Variants in FGD4 observed in about 807,000 individuals in gnomAD.
FGD4 encodes the protein FYVE, RhoGEF and PH domain containing 4.
In FGD4, 42 loss-of-function variants were observed where a neutral mutation model predicts 102.0. The ratio of observed to expected loss-of-function variants is 0.41; its 90% CI spans 0.32 to 0.53. FGD4 has a LOEUF of 0.53. Ranked by LOEUF, FGD4 falls within the 20% of genes least tolerant of loss-of-function variation. The pLI is 0.21. For missense variants in FGD4, 902 were observed against 1,078.2 expected, an observed-to-expected ratio of 0.84 and a Z score of 2.29; for synonymous variants, 380 against 375.7, an observed-to-expected ratio of 1.01 and a Z score of -0.13.
chr12:32,516,247 C>T (rs1428206567), intron 1 of FGD4, among the ~76,000 whole-genome samples: 1 of 152,178 alleles, frequency 6.6e-6, no homozygotes, highest in South Asian at 2.1e-4. Context: ...TTCACCTGCT[C>T]AGACTCCTGA....
intron 1 of FGD4, among the ~76,000 whole-genome samples, chr12:32,422,673 T>G (rs1232361573): frequency 6.6e-6 from 1 of 152,126 alleles, no homozygotes; most frequent in Non-Finnish European, 1.5e-5. Context: ...GATAATAGTT[T>G]ATTAAATACT....
chr12:32,610,103 T>C (rs1356465453), intron 8 of FGD4, among the ~76,000 whole-genome samples: 1 of 152,220 alleles, frequency 6.6e-6, no homozygotes, highest in South Asian at 2.1e-4. Flanking sequence ...AATTTGCTCA[T>C]ACAACTAGTA....
At chr12:32,455,989 A>G (rs1195547960) in intron 1 of FGD4, among the ~76,000 whole-genome samples, 1 of 152,144 alleles carries the variant, frequency 6.6e-6, no homozygotes, top group East Asian at 1.9e-4. Context: ...GGACGAGTGC[A>G]CTTTCAGTTT....
chr12:32,543,734 C>T (rs1943021486), intron 1 of FGD4, among the ~76,000 whole-genome samples: 1 of 152,202 alleles, frequency 6.6e-6, no homozygotes, highest in Non-Finnish European at 1.5e-5. Flanking sequence ...TCATGCCATT[C>T]TCCTGCCTCA....
chr12:32,497,821 G>A (rs1241409432), intron 1 of FGD4, among the ~76,000 whole-genome samples: 1 of 152,080 alleles, frequency 6.6e-6, no homozygotes, highest in African/African-American at 2.4e-5. Context: ...CACACGTAAG[G>A]GTAGTACGCA....
chr12:32,462,489 G>T (rs1187812334), intron 1 of FGD4, among the ~76,000 whole-genome samples: 1 of 152,104 alleles, frequency 6.6e-6, no homozygotes, highest in African/African-American at 2.4e-5. Context: ...CCACAGCCCA[G>T]TGTAACACTG....
intron 1 of FGD4, among the ~76,000 whole-genome samples, chr12:32,445,505 C>T (rs1942584990): frequency 6.6e-6 from 1 of 152,160 alleles, no homozygotes. Context: ...CTGAAGAACA[C>T]ATCTCATGAT....
intron 1 of FGD4, among the ~76,000 whole-genome samples, chr12:32,433,879 C>T (rs938519652): frequency 2.0e-5 from 3 of 151,378 alleles, no homozygotes; most frequent in Non-Finnish European, 2.9e-5. Context: ...TTTTTTGAGA[C>T]GGAGTCTTGC....
At chr12:32,587,188 A>G (rs1947116591) in intron 4 of FGD4, among the ~76,000 whole-genome samples, 1 of 67,316 alleles carries the variant, frequency 1.5e-5, no homozygotes, top group African/African-American at 9.1e-5. Flanking sequence ...AGACTCTCTC[A>G]AAAAAAAAAA....
At chr12:32,507,263 C>T (rs932308318) in intron 1 of FGD4, among the ~76,000 whole-genome samples, 1 of 152,078 alleles carries the variant, frequency 6.6e-6, no homozygotes, top group Non-Finnish European at 1.5e-5. Flanking sequence ...ATGAACTTGT[C>T]ATTTTTTATG....
At chr12:32,626,446 G>GAAAA (rs34938382) in intron 14 of FGD4, among the ~76,000 whole-genome samples, 1 of 101,880 alleles carries the variant, frequency 9.8e-6, no homozygotes. Context: ...CTCCATCTCA[G>GAAAA]AAAAAAAAAA....
At chr12:32,500,009 G>GA (rs1276401175) in intron 1 of FGD4, among the ~76,000 whole-genome samples, 3 of 151,806 alleles carry the variant, frequency 2.0e-5, no homozygotes, top group Non-Finnish European at 4.4e-5. Context: ...CTATCTCCAA[G>GA]AAAAAAACAA....
intron 1 of FGD4, among the ~76,000 whole-genome samples, chr12:32,478,656 A>G (rs1943644877): frequency 6.6e-6 from 1 of 152,212 alleles, no homozygotes; most frequent in Non-Finnish European, 1.5e-5. Context: ...AGTTGCTTGT[A>G]GTTTTACTTT....
intron 11 of FGD4, among the ~76,000 whole-genome samples, chr12:32,622,251 C>T (rs953262103): frequency 6.6e-6 from 1 of 152,210 alleles, no homozygotes; most frequent in African/African-American, 2.4e-5. Flanking sequence ...AACTCTGAAA[C>T]TTCAGCACAC....
intron 1 of FGD4, among the ~76,000 whole-genome samples, chr12:32,443,537 T>G (rs1001039713): frequency 1.5e-4 from 22 of 146,088 alleles, no homozygotes; most frequent in Non-Finnish European, 2.9e-4. Flanking sequence ...GTTTTAGGTT[T>G]TTTTTTTTTT....
rs190207707 is a variant in FGD4, at chr12:32,570,536, G to A, written c.320-5730G>A. The stretch of plus-strand genomic sequence containing the variant: ...AGCTCACAGCAACCTCCACCTCCCA[G>A]GTTCAAGCGATTCTCCTGCCTCAGC... On this transcript the variant is annotated intron_variant, in intron 2 of 16. Transcript: ENST00000534526. Among the ~76,000 whole-genome samples the A allele has an allele frequency of 3.0e-4, 46 of 151,966 alleles. No homozygotes were observed. In the East Asian group the frequency reaches 7.8e-3, roughly 26 times the overall value.
chr12:32,525,088 T>C (rs536894575), intron 1 of FGD4, among the ~76,000 whole-genome samples: 6 of 152,306 alleles, frequency 3.9e-5, no homozygotes, highest in Non-Finnish European at 7.4e-5. Flanking sequence ...TTCTTTCTTT[T>C]TCTACTCCCT....
At chr12:32,494,215 T>C (rs565431840) in intron 1 of FGD4, among the ~76,000 whole-genome samples, 1 of 152,202 alleles carries the variant, frequency 6.6e-6, no homozygotes, top group Admixed American at 6.5e-5. Context: ...ACTTTTTAAT[T>C]TTATTTTATT....
chr12:32,562,641 T>A (rs1403705116), intron 1 of FGD4, among the ~76,000 whole-genome samples: 2 of 152,206 alleles, frequency 1.3e-5, no homozygotes, highest in Non-Finnish European at 2.9e-5. Flanking sequence ...CTTCAAGCTC[T>A]GTTTAACAAA....
Sources: allele counts gnomAD v4.1 joint callset (sites outside exome capture counted in the v4.1 genomes callset), GRCh38; gene constraint gnomAD v4.1.1; transcripts MANE v1.5; gene names NCBI Gene and HGNC (gene_info 2026-07-23, HGNC 2026-07-21).